Variants in L3MBTL1 observed in about 807,000 individuals in gnomAD.
L3MBTL1 encodes the protein L3MBTL histone methyl-lysine binding protein 1.
L3MBTL1 carries 75 observed loss-of-function variants against 105.3 expected under a neutral mutation model. That is an observed-to-expected ratio of 0.71 (90% CI 0.59 to 0.86). L3MBTL1 has a LOEUF of 0.86. Among genes scored for constraint, L3MBTL1 ranks in the 40% least tolerant of loss-of-function variants. L3MBTL1 has a pLI of 0.00. For missense variants in L3MBTL1, 1,069 were observed against 1,126.4 expected (o/e 0.95, Z 0.73); for synonymous variants, 452 against 436.2 (o/e 1.04, Z -0.45).
At chr20:43,541,919 G>C, downstream of L3MBTL1, 1 of 985,356 alleles carries the variant, frequency 1.0e-6, no homozygotes, top group Non-Finnish European at 1.2e-6. Flanking sequence ...CTTAAGTAAA[G>C]AACTTTGTCG....
At chr20:43,538,183 T>G (rs2019726528) in intron 19 of L3MBTL1, among the ~76,000 whole-genome samples, 1 of 152,192 alleles carries the variant, frequency 6.6e-6, no homozygotes, top group South Asian at 2.1e-4. Flanking sequence ...TAAGGACTCC[T>G]AAGGATCAAA....
intron 1 of L3MBTL1, among the ~76,000 whole-genome samples, chr20:43,513,080 G>A (rs1271795347): frequency 6.6e-6 from 1 of 152,258 alleles, no homozygotes; most frequent in Admixed American, 6.5e-5. Context: ...AGTGATTCCA[G>A]TGGGGATAGA....
chr20:43,514,006 T>A lies in L3MBTL1; in HGVS notation c.305T>A (p.Val102Glu), dbSNP rs2018218352. The A allele has an allele frequency of 1.3e-6, 2 of 1,542,066 alleles. No homozygotes were observed. The highest frequency in any genetic ancestry group is 1.7e-6 in the Non-Finnish European group (2 of 1,146,814). The change falls in exon 3 of 22, where the codon GTG (valine) becomes GAG (glutamate). Residue 102 changes from valine to glutamate, a missense_variant. Coordinates refer to ENST00000418998, the MANE Select transcript of L3MBTL1 (RefSeq NM_001377303.1). ...AGPASSSTSTVRLLEWTEAAA... is the reference protein window; with the variant it reads ...AGPASSSTSTERLLEWTEAAA... ...CCGGCCAGCTCCAGCACCAGCACAG[T>A]GCGGCTTCTGGAATGGACAGAGGCC...
chr20:43,541,992 C>A, downstream of L3MBTL1: 1 of 693,028 alleles, frequency 1.4e-6, no homozygotes, highest in Non-Finnish European at 1.8e-6. Context: ...GGGTGGATCA[C>A]CTGAGGTCAG....
In L3MBTL1 at chr20:43,524,028, T is replaced by C. The variant is rs8116221; in HGVS notation, c.863-4629T>C. Among the ~76,000 whole-genome samples, 861 of 151,668 alleles carry C rather than the reference T, an allele frequency of 5.7e-3. 14 individuals are homozygous for C. Among genetic ancestry groups the C allele is most frequent in the African/African-American group, 0.02 (822 of 41,352 alleles). ...AAAAAAAAGAAACAGGATGTCACTATGTTGGCCAGGCTGGTCTGGAACTCC... is the reference window on the plus strand; with the variant it reads ...AAAAAAAAGAAACAGGATGTCACTACGTTGGCCAGGCTGGTCTGGAACTCC... On this transcript the variant is annotated intron_variant, in intron 7 of 21. Coordinates refer to ENST00000418998, the MANE Select transcript of L3MBTL1 (RefSeq NM_001377303.1).
intron 19 of L3MBTL1, chr20:43,539,718 C>T (rs2019808567): frequency 7.8e-6 from 2 of 257,518 alleles, no homozygotes; most frequent in Non-Finnish European, 1.5e-5. Context: ...GAAAGTTGGT[C>T]GTGGCCCGGA....
At chr20:43,535,744 G>T in intron 16 of L3MBTL1, 93 bp from the exon 17 acceptor site, 1 of 774,926 alleles carries the variant, frequency 1.3e-6, no homozygotes, top group Non-Finnish European at 2.1e-6. Context: ...TGGGTTTCTA[G>T]TGCTGATCTC....
chr20:43,536,422 C>T lies in L3MBTL1; in HGVS notation c.2137C>T (p.Pro713Ser). The change falls in exon 19 of 22, where the codon CCG (proline) becomes TCG (serine). Residue 713 changes from proline to serine, a missense_variant. Pro to Ser is a moderately conservative substitution (Grantham distance 74). Transcript: ENST00000418998. ...PRHHGRIGRP[P>S]KYRKIPQEDF... ...GTCTTTCTCCAGAATTGGACGCCCT[C>T]CGAAGTATCGAAAGATTCCGCAGGA... 6.2e-7 allele frequency: 1 copy of T among 1,614,060 alleles called. No homozygotes were observed. Among genetic ancestry groups the T allele is most frequent in the Non-Finnish European group, 8.5e-7 (1 of 1,180,038 alleles).
intron 12 of L3MBTL1, 35 bp downstream of exon 12, chr20:43,532,959 G>T: frequency 1.2e-6 from 2 of 1,612,742 alleles, no homozygotes; most frequent in Non-Finnish European, 1.7e-6. Flanking sequence ...CTCAGGGGGT[G>T]AGGGGATGGC....
intron 7 of L3MBTL1, among the ~76,000 whole-genome samples, chr20:43,521,805 A>G (rs1047585491): frequency 6.6e-6 from 1 of 152,204 alleles, no homozygotes; most frequent in African/African-American, 2.4e-5. Context: ...CTCCTGCCTC[A>G]GCCTTCTGAG....
At chr20:43,540,079 T>A (rs1323652598) in intron 19 of L3MBTL1, 72 bp from the exon 20 acceptor site, 3 of 1,570,716 alleles carry the variant, frequency 1.9e-6, no homozygotes, top group South Asian at 2.2e-5. Flanking sequence ...CTGAGTGGTG[T>A]GGGTATGCAT....
intron 1 of L3MBTL1, among the ~76,000 whole-genome samples, chr20:43,510,740 CAG>C (rs927999225): frequency 6.7e-6 from 1 of 150,062 alleles, no homozygotes; most frequent in African/African-American, 2.5e-5. Context: ...TCTTTAGAGA[CAG>C]GGTCTCGCTC....
chr20:43,541,159 A>G lies in L3MBTL1; in HGVS notation c.*31A>G. ...ACTTTTTTCCCCTTTAATCCAATATAGTTGATAATTAAAGTGTATTTTGAA... is the reference window on the plus strand; with the variant it reads ...ACTTTTTTCCCCTTTAATCCAATATGGTTGATAATTAAAGTGTATTTTGAA... On this transcript the variant is annotated 3_prime_UTR_variant, in exon 22 of 22. Coordinates refer to ENST00000418998, the MANE Select transcript of L3MBTL1 (RefSeq NM_001377303.1). 2 of 1,599,226 alleles carry G rather than the reference A, an allele frequency of 1.3e-6. No individual in the cohort carries two copies. Among genetic ancestry groups the G allele is most frequent in the Non-Finnish European group, 1.7e-6 (2 of 1,169,218 alleles).
chr20:43,518,827 G>C (rs368073131), intron 7 of L3MBTL1, among the ~76,000 whole-genome samples: 26 of 110,924 alleles, frequency 2.3e-4, no homozygotes, highest in African/African-American at 8.6e-4. Flanking sequence ...CCAACATGGT[G>C]AAACCCCATC....
Position 43,513,844 on chromosome 20 carries a change from C to T in L3MBTL1, c.143C>T (p.Ser48Leu). ...TTTGTATATCTGTTTACAGCCAGTT[C>T]GGCCACCCTCGGCCTGCCCAGCAGT... ...PATAFIIPAS[S>L]ATLGLPSSAL... The change falls in exon 3 of 22, where the codon TCG (serine) becomes TTG (leucine). Residue 48 changes from serine to leucine, a missense_variant. Ser to Leu is a moderately radical substitution (Grantham distance 145). Coordinates refer to ENST00000418998, the MANE Select transcript of L3MBTL1 (RefSeq NM_001377303.1). The T allele has an allele frequency of 6.4e-7, 1 of 1,550,614 alleles. No individual in the cohort carries two copies. The highest frequency in any genetic ancestry group is 8.7e-7 in the Non-Finnish European group (1 of 1,146,974).
chr20:43,543,939 T>A (rs1978403765), downstream of L3MBTL1, among the ~76,000 whole-genome samples: 1 of 152,248 alleles, frequency 6.6e-6, no homozygotes, highest in Non-Finnish European at 1.5e-5. Flanking sequence ...TATAAGGTGA[T>A]GTGATACTGA....
chr20:43,529,102 C>T, intron 8 of L3MBTL1, 162 bp from the exon 9 acceptor site: 2 of 595,234 alleles, frequency 3.4e-6, no homozygotes, highest in Non-Finnish European at 6.1e-6. Flanking sequence ...GAGATATTCT[C>T]TCTCTCTCTC....
intron 3 of L3MBTL1, 90 bp from the exon 4 acceptor site, chr20:43,514,545 A>G: frequency 6.3e-7 from 1 of 1,586,254 alleles, no homozygotes; most frequent in East Asian, 2.3e-5. Flanking sequence ...GTGAGCTGGC[A>G]TGAGGCGAAG....
chr20:43,512,426 G>C (rs901884644), intron 1 of L3MBTL1, among the ~76,000 whole-genome samples: 2 of 152,194 alleles, frequency 1.3e-5, no homozygotes, highest in African/African-American at 4.8e-5. Flanking sequence ...GCCCAGGCTA[G>C]CCTCAAACTC....
Sources: allele counts gnomAD v4.1 joint callset (sites outside exome capture counted in the v4.1 genomes callset), GRCh38; gene constraint gnomAD v4.1.1; transcripts MANE v1.5; gene names NCBI Gene and HGNC (gene_info 2026-07-23, HGNC 2026-07-21).